OASL: variants seen among roughly 807,000 people sequenced by gnomAD.
OASL encodes 2'-5'-oligoadenylate synthase-like protein.
In OASL, 28 loss-of-function variants were observed where a neutral mutation model predicts 35.3. The ratio of observed to expected loss-of-function variants is 0.79; its 90% CI spans 0.59 to 1.09. The LOEUF is 1.09. OASL is among the 50% of genes least tolerant of loss of function. OASL has a pLI of 0.00. For missense variants in OASL, 620 were observed against 635.2 expected, an observed-to-expected ratio of 0.98 and a Z score of 0.26; for synonymous variants, 252 against 254.6, an observed-to-expected ratio of 0.99 and a Z score of 0.10.
At chr12:121,021,963 T>C (rs1869255367) in intron 5 of OASL, among the ~76,000 whole-genome samples, 1 of 152,182 alleles carries the variant, frequency 6.6e-6, no homozygotes, top group Admixed American at 6.5e-5. Context: ...CAGGCTGCAG[T>C]GCAGTGGTGC....
intron 4 of OASL, among the ~76,000 whole-genome samples, chr12:121,025,783 A>C (rs1869458747): frequency 6.6e-6 from 1 of 151,896 alleles, no homozygotes; most frequent in Admixed American, 6.6e-5. Flanking sequence ...CAAAACCCAA[A>C]AACAAACAAA....
At chr12:121,029,476 C>T (rs1869640068) in intron 3 of OASL, among the ~76,000 whole-genome samples, 1 of 152,190 alleles carries the variant, frequency 6.6e-6, no homozygotes, top group African/African-American at 2.4e-5. Context: ...ATCACAAGGT[C>T]AGGAGATCGA....
chr12:121,024,174 G>A, intron 4 of OASL, 37 bp from the exon 5 acceptor site: 2 of 1,598,190 alleles, frequency 1.3e-6, no homozygotes, highest in Non-Finnish European at 1.7e-6. Flanking sequence ...GCTCATAATG[G>A]TTTGAAGGCC....
intron 4 of OASL, 129 bp downstream of exon 4, chr12:121,027,447 G>A: frequency 7.3e-7 from 1 of 1,368,082 alleles, no homozygotes; most frequent in Non-Finnish European, 9.9e-7. Context: ...TGGTGTGGGA[G>A]GTCGATGCTC....
chr12:121,037,145 G>A (rs746302791), intron 1 of OASL, among the ~76,000 whole-genome samples: 3 of 152,148 alleles, frequency 2.0e-5, no homozygotes. Context: ...GAGAACTTGA[G>A]CACTGGGCTG....
At chr12:121,029,592 G>T (rs1181011196) in intron 3 of OASL, among the ~76,000 whole-genome samples, 1 of 152,008 alleles carries the variant, frequency 6.6e-6, no homozygotes, top group Non-Finnish European at 1.5e-5. Context: ...GGAGGTTGAG[G>T]CAGGAGAATG....
chr12:121,036,129 C>T (rs965662750), intron 1 of OASL, among the ~76,000 whole-genome samples: 1 of 152,198 alleles, frequency 6.6e-6, no homozygotes, highest in Non-Finnish European at 1.5e-5. Context: ...TCCCAAAGTG[C>T]TGGGATTACA....
At chr12:121,026,196 G>A (rs1051182828) in intron 4 of OASL, among the ~76,000 whole-genome samples, 4 of 152,204 alleles carry the variant, frequency 2.6e-5, no homozygotes, top group Non-Finnish European at 5.9e-5. Context: ...GTGACAGAGA[G>A]AGAGAGGGAG....
exon 6 of OASL, chr12:121,020,401 C>G: frequency 1.3e-6 from 1 of 760,966 alleles, no homozygotes; most frequent in South Asian, 2.0e-5. Flanking sequence ...TCCCAAAGTT[C>G]TGGGATTACA....
intron 1 of OASL, among the ~76,000 whole-genome samples, chr12:121,036,680 T>C (rs1404919761): frequency 2.0e-5 from 3 of 152,150 alleles, no homozygotes; most frequent in Non-Finnish European, 4.4e-5. Context: ...AAACTTATTC[T>C]TGTAGCATCC....
chr12:121,024,571 T>C (rs1869402464), intron 4 of OASL, among the ~76,000 whole-genome samples: 1 of 151,656 alleles, frequency 6.6e-6, no homozygotes, highest in Non-Finnish European at 1.5e-5. Flanking sequence ...TGAGCCAAGA[T>C]CATGCCACCA....
chr12:121,024,435 G>A (rs1254153223), intron 4 of OASL, among the ~76,000 whole-genome samples: 1 of 152,078 alleles, frequency 6.6e-6, no homozygotes, highest in African/African-American at 2.4e-5. Context: ...TGGCCAACGT[G>A]GTGAAACCCT....
chr12:121,035,666 A>G (rs1002906129), intron 1 of OASL, among the ~76,000 whole-genome samples: 4 of 152,210 alleles, frequency 2.6e-5, no homozygotes, highest in African/African-American at 9.6e-5. Flanking sequence ...CAGCAGAGTC[A>G]GAGAAAGAGC....
In OASL at chr12:121,027,557, G is replaced by A. The variant is rs373380604; in HGVS notation, c.899+19C>T. ...TCTTTTTTTCTGTAAGATTTGGTGG[G>A]CAAACAGTGGTCCAGTACCTCTCTT... On this transcript the variant is annotated intron_variant, in intron 4 of 5. Transcript: ENST00000257570. The A allele has an allele frequency of 1.9e-6, 3 of 1,611,802 alleles. No individual in the cohort carries two copies. The highest frequency in any genetic ancestry group is 1.1e-5 in the South Asian group (1 of 90,960).
intron 1 of OASL, among the ~76,000 whole-genome samples, chr12:121,035,482 G>A (rs944418926): frequency 4.6e-5 from 7 of 151,604 alleles, no homozygotes; most frequent in African/African-American, 7.3e-5. Context: ...CTGAGATCTC[G>A]CCACTACACT....
At chr12:121,036,008 C>A (rs1183801566) in intron 1 of OASL, among the ~76,000 whole-genome samples, 1 of 152,206 alleles carries the variant, frequency 6.6e-6, no homozygotes, top group East Asian at 1.9e-4. Context: ...CAGGCATGCA[C>A]CGCCATGCCC....
At chr12:121,024,163 G>A (rs376089337) in intron 4 of OASL, 26 bp from the exon 5 acceptor site, 1 of 1,608,008 alleles carries the variant, frequency 6.2e-7, no homozygotes, top group Non-Finnish European at 8.5e-7. Context: ...AGGGTGCCCA[G>A]GCTCATAATG....
intron 3 of OASL, among the ~76,000 whole-genome samples, chr12:121,031,209 C>T (rs1156633846): frequency 6.6e-6 from 1 of 151,788 alleles, no homozygotes; most frequent in Non-Finnish European, 1.5e-5. Context: ...TACTGTAGAG[C>T]ACCTATTTTT....
At chr12:121,034,981 A>G (rs957724386) in intron 1 of OASL, among the ~76,000 whole-genome samples, 1 of 151,852 alleles carries the variant, frequency 6.6e-6, no homozygotes, top group Non-Finnish European at 1.5e-5. Context: ...TGCCTCTGGT[A>G]TGCAAAGCGC....
Sources: gnomAD v4.1 joint callset for allele counts (sites outside exome capture counted in the v4.1 genomes callset) on GRCh38, gnomAD v4.1.1 for gene constraint, MANE v1.5 for transcripts, NCBI Gene and HGNC (gene_info 2026-07-23, HGNC 2026-07-21) for gene names.